Variants in PDE4B observed in about 807,000 individuals in gnomAD.
The protein encoded by PDE4B is phosphodiesterase 4B, also known as 3',5'-cyclic-AMP phosphodiesterase 4B.
Under a neutral mutation model 82.2 loss-of-function variants are expected in PDE4B, and 20 were observed. The observed-to-expected ratio is 0.24, with a 90% CI of 0.17 to 0.35. The LOEUF is 0.35. PDE4B is among the 10% of genes least tolerant of loss of function. The pLI is 1.00. For missense variants in PDE4B, 655 were observed against 907.2 expected (o/e 0.72, Z 3.57); for synonymous variants, 320 against 318.9 (o/e 1.00, Z -0.04).
At chr1:66,307,794 G>A (rs1335803933) in intron 7 of PDE4B, among the ~76,000 whole-genome samples, 1 of 152,008 alleles carries the variant, frequency 6.6e-6, no homozygotes, top group Non-Finnish European at 1.5e-5. Flanking sequence ...TGTTGTTGCT[G>A]TTGTTATTGT....
intron 3 of PDE4B, among the ~76,000 whole-genome samples, chr1:65,953,136 C>G (rs976253970): frequency 6.6e-6 from 1 of 152,138 alleles, no homozygotes; most frequent in African/African-American, 2.4e-5. Context: ...CTAACTTCCA[C>G]TGTCTTAAGA....
At chr1:66,175,476 A>G (rs1206558319) in intron 3 of PDE4B, among the ~76,000 whole-genome samples, 1 of 152,238 alleles carries the variant, frequency 6.6e-6, no homozygotes, top group South Asian at 2.1e-4. Flanking sequence ...GTAAAATAGT[A>G]ACACTTGGAC....
In PDE4B at chr1:65,885,048, A is replaced by C. The variant is rs569839683; in HGVS notation, c.-70-28197A>C. 6.0e-4 allele frequency among the ~76,000 whole-genome samples: 92 copies of C among 152,350 alleles called. 1 individual carries two copies. The highest frequency in any genetic ancestry group is 2.1e-3 in the African/African-American group (89 of 41,582). On this transcript the variant is annotated intron_variant, in intron 1 of 16. Coordinates refer to ENST00000341517, the MANE Select transcript of PDE4B (RefSeq NM_002600.4). ...AAACAACCCCATCAAAAAGTGGGCAAAGGAGATGAACAGACACTTCTCAAA... is the reference window on the plus strand; with the variant it reads ...AAACAACCCCATCAAAAAGTGGGCACAGGAGATGAACAGACACTTCTCAAA...
chr1:66,322,176 A>G (rs1659450433), intron 7 of PDE4B, among the ~76,000 whole-genome samples: 1 of 152,228 alleles, frequency 6.6e-6, no homozygotes, highest in Non-Finnish European at 1.5e-5. Context: ...TTAACTCAAG[A>G]TGGATTAAAG....
At chr1:66,025,377 C>T (rs955935407) in intron 3 of PDE4B, among the ~76,000 whole-genome samples, 1 of 152,044 alleles carries the variant, frequency 6.6e-6, no homozygotes. Context: ...TTGAAACTGT[C>T]AAGTAAGCTA....
intron 3 of PDE4B, among the ~76,000 whole-genome samples, chr1:65,990,254 T>C (rs1651173366): frequency 6.6e-6 from 1 of 152,190 alleles, no homozygotes; most frequent in South Asian, 2.1e-4. Flanking sequence ...CTGCTTTAGG[T>C]AAGTTTATGT....
intron 3 of PDE4B, among the ~76,000 whole-genome samples, chr1:66,230,509 A>G (rs143378629): frequency 1.3e-5 from 2 of 152,378 alleles, no homozygotes; most frequent in African/African-American, 4.8e-5. Context: ...ATGCAAAGCA[A>G]ACATAATAAT....
intron 7 of PDE4B, among the ~76,000 whole-genome samples, chr1:66,276,879 G>C (rs1299940582): frequency 2.0e-5 from 3 of 152,142 alleles, no homozygotes; most frequent in Non-Finnish European, 4.4e-5. Context: ...AATAATACTA[G>C]TACTTACCAT....
chr1:65,866,877 C>T (rs1324376560), intron 1 of PDE4B, among the ~76,000 whole-genome samples: 2 of 152,116 alleles, frequency 1.3e-5, no homozygotes, highest in Non-Finnish European at 2.9e-5. Flanking sequence ...TGAATCTTGA[C>T]TAAAATTATA....
intron 1 of PDE4B, among the ~76,000 whole-genome samples, chr1:65,876,975 G>C (rs538668414): frequency 6.6e-6 from 1 of 152,080 alleles, no homozygotes; most frequent in Non-Finnish European, 1.5e-5. Flanking sequence ...TGGCCATACT[G>C]CCCAAAGTAA....
At position 66,070,400 on chromosome 1, in the gene PDE4B, TGAGGGAATGGTA is replaced by T. The variant is rs1222820692; in HGVS notation, c.281+151573_281+151584del. ...GGAGAAAAAAGAATGTGTCAGTATA[TGAGGGAATGGTA>T]GAGGGAAAAGTAGATGGAGTGGGAA... On this transcript the variant is annotated intron_variant, in intron 3 of 16. Transcript: ENST00000341517. Among the ~76,000 whole-genome samples, 3 of 151,956 alleles carry T rather than the reference TGAGGGAATGGTA, an allele frequency of 2.0e-5. No individual in the cohort carries two copies. The East Asian group carries it at 5.8e-4, about 29-fold the overall frequency.
At chr1:66,062,864 C>T (rs1319373789) in intron 3 of PDE4B, 1 of 152,024 alleles carries the variant, frequency 6.6e-6, no homozygotes, top group Non-Finnish European at 1.5e-5. Context: ...TAATACAATT[C>T]ATTGTGCTCT....
At chr1:66,252,300 T>G (rs559772737) in intron 4 of PDE4B, among the ~76,000 whole-genome samples, 2 of 152,252 alleles carry the variant, frequency 1.3e-5, no homozygotes, top group South Asian at 4.1e-4. Flanking sequence ...TGGACAGACA[T>G]GAATTAAGAT....
At chr1:65,843,985 T>A (rs1421181861) in intron 1 of PDE4B, among the ~76,000 whole-genome samples, 4 of 152,176 alleles carry the variant, frequency 2.6e-5, no homozygotes, top group African/African-American at 9.6e-5. Context: ...CTTAATTAGA[T>A]TGTTTTTAAA....
intron 3 of PDE4B, among the ~76,000 whole-genome samples, chr1:66,155,978 T>C (rs1646495522): frequency 6.6e-6 from 1 of 152,210 alleles, no homozygotes; most frequent in South Asian, 2.1e-4. Flanking sequence ...TGCCCTTGAC[T>C]TGGCACATGA....
intron 6 of PDE4B, among the ~76,000 whole-genome samples, chr1:66,261,570 G>T (rs115314811): frequency 3.4e-3 from 517 of 152,286 alleles, no homozygotes; most frequent in African/African-American, 0.012. Context: ...TTTATTGTAG[G>T]AAAAGGAACT....
intron 3 of PDE4B, among the ~76,000 whole-genome samples, chr1:65,989,108 A>G (rs1468831032): frequency 6.6e-6 from 1 of 152,116 alleles, no homozygotes; most frequent in African/African-American, 2.4e-5. Flanking sequence ...ATTGTTATTG[A>G]CTATATAACT....
At chr1:66,243,931 T>C (rs1032316326) in intron 3 of PDE4B, among the ~76,000 whole-genome samples, 3 of 152,232 alleles carry the variant, frequency 2.0e-5, no homozygotes, top group African/African-American at 7.2e-5. Flanking sequence ...GCCGTGTATA[T>C]ATGGGCAACC....
chr1:65,969,322 T>G (rs1650011252), intron 3 of PDE4B, among the ~76,000 whole-genome samples: 1 of 152,174 alleles, frequency 6.6e-6, no homozygotes, highest in Non-Finnish European at 1.5e-5. Flanking sequence ...ATTGTGTGGT[T>G]ATATCCAGTT....
Sources: allele counts gnomAD v4.1 joint callset (sites outside exome capture counted in the v4.1 genomes callset), GRCh38; gene constraint gnomAD v4.1.1; transcripts MANE v1.5; gene names NCBI Gene and HGNC (gene_info 2026-07-23, HGNC 2026-07-21).